CDC73: variants seen among roughly 807,000 people sequenced by gnomAD.
CDC73 encodes the protein parafibromin.
CDC73 carries 21 observed loss-of-function variants against 83.7 expected under a neutral mutation model. The ratio of observed to expected loss-of-function variants is 0.25; its 90% confidence interval spans 0.18 to 0.36. CDC73 has a LOEUF of 0.36. Ranked by LOEUF, CDC73 falls within the 10% of genes least tolerant of loss-of-function variation. The pLI is 1.00. For missense variants in CDC73, 342 were observed against 653.3 expected (o/e 0.52, Z 5.19); for synonymous variants, 224 against 212.9 (o/e 1.05, Z -0.45).
chr1:193,176,523 T>C (rs1676605407), intron 10 of CDC73, among the ~76,000 whole-genome samples: 1 of 152,220 alleles, frequency 6.6e-6, no homozygotes, highest in Non-Finnish European at 1.5e-5. Context: ...CAAACAATTT[T>C]ATTACTGTAA....
intron 11 of CDC73, among the ~76,000 whole-genome samples, chr1:193,207,888 G>A (rs2103181675): frequency 6.6e-6 from 1 of 152,294 alleles, no homozygotes; most frequent in East Asian, 1.9e-4. Flanking sequence ...TAGGGAAGGA[G>A]TACTTCTCCT....
chr1:193,186,256 C>T (rs902982050), intron 10 of CDC73: 1 of 152,466 alleles, frequency 6.6e-6, no homozygotes, highest in Non-Finnish European at 1.5e-5. Flanking sequence ...CATTTTCTCT[C>T]TTTCGTTAAA....
chr1:193,151,310 C>T (rs148475654), intron 9 of CDC73, among the ~76,000 whole-genome samples: 85 of 152,254 alleles, frequency 5.6e-4, no homozygotes, highest in Non-Finnish European at 1.1e-3. Context: ...TAAAGGCATG[C>T]ACTGGATATG....
chr1:193,195,505 G>GAT (rs1437576793), intron 10 of CDC73, among the ~76,000 whole-genome samples: 1 of 151,926 alleles, frequency 6.6e-6, no homozygotes, highest in Non-Finnish European at 1.5e-5. Flanking sequence ...AATTTTTTTG[G>GAT]ATATATATAC....
In CDC73 at chr1:193,249,583, G is replaced by A. The variant is rs1270718222; in HGVS notation, c.1418-147G>A. The A allele has an allele frequency of 7.7e-6, 5 of 645,366 alleles. No homozygotes were observed. In the East Asian group the frequency reaches 1.4e-4, roughly 18 times the overall value. The allele number at this position is 645,366 out of a possible 1,614,324, so 40.0% of individuals were successfully genotyped here. On this transcript the variant is annotated intron_variant, in intron 15 of 16. Transcript: ENST00000367435. Reference sequence around the variant, plus strand: ...TCCTCATTTTAGTGTCCAGTGGCTGGCGTGTATAAACCCTGAATGTTTTTA... The same window carrying A: ...TCCTCATTTTAGTGTCCAGTGGCTGACGTGTATAAACCCTGAATGTTTTTA...
At chr1:193,159,166 G>A (rs1285859017) in intron 10 of CDC73, among the ~76,000 whole-genome samples, 1 of 151,850 alleles carries the variant, frequency 6.6e-6, no homozygotes, top group African/African-American at 2.4e-5. Flanking sequence ...TTATAGATTT[G>A]GACCAAGTCT....
intron 6 of CDC73, 96 bp downstream of exon 6, chr1:193,138,269 C>G: frequency 2.3e-6 from 2 of 853,490 alleles, no homozygotes; most frequent in South Asian, 2.7e-5. Flanking sequence ...TTACATTTAC[C>G]TCTTGGATTC....
chr1:193,149,720 A>G (rs1392485980), intron 8 of CDC73, among the ~76,000 whole-genome samples: 2 of 152,108 alleles, frequency 1.3e-5, no homozygotes, highest in Admixed American at 6.5e-5. Flanking sequence ...GTCTTCATGA[A>G]TTTTCCAAGT....
intron 6 of CDC73, among the ~76,000 whole-genome samples, chr1:193,141,622 T>C (rs1021535268): frequency 2.6e-5 from 4 of 152,202 alleles, no homozygotes; most frequent in African/African-American, 9.7e-5. Context: ...TTTGTTGTAT[T>C]GATACTTCTA....
rs1233894531 is a variant in CDC73 at position 193,204,247 on chromosome 1, A to ATGTG, written c.1030+397_1030+400dup. ...TATATGTATATATACACGTATATATATGTGTATGTGTGTGTGTGTGTGTGT... is the reference window on the plus strand; with the variant it reads ...TATATGTATATATACACGTATATATATGTGTGTGTATGTGTGTGTGTGTGTGTGT... On this transcript the variant is annotated intron_variant, in intron 11 of 16. Transcript: ENST00000367435. Among the ~76,000 whole-genome samples, 171 of 123,054 alleles carry ATGTG rather than the reference A, an allele frequency of 1.4e-3. 3 individuals are homozygous for ATGTG. Among genetic ancestry groups the ATGTG allele is most frequent in the East Asian group, 0.014 (61 of 4,418 alleles). 80.7% of individuals were successfully genotyped at this position (123,054 alleles called of 152,430 possible). A position where few individuals can be genotyped will look rare whatever the true frequency, so the allele number is the denominator to read the frequency against.
intron 13 of CDC73, among the ~76,000 whole-genome samples, chr1:193,219,491 C>A (rs1360952191): frequency 6.6e-6 from 1 of 152,144 alleles, no homozygotes; most frequent in Admixed American, 6.5e-5. Context: ...TGGAATCAAC[C>A]AAAATTTCCA....
chr1:193,192,430 G>C (rs1026444711), intron 10 of CDC73, among the ~76,000 whole-genome samples: 1 of 152,116 alleles, frequency 6.6e-6, no homozygotes, highest in East Asian at 1.9e-4. Context: ...GCGACAGAGT[G>C]AGACACTGTC....
intron 15 of CDC73, among the ~76,000 whole-genome samples, chr1:193,241,837 G>A (rs1278191177): frequency 6.6e-6 from 1 of 152,186 alleles, no homozygotes; most frequent in Admixed American, 6.5e-5. Flanking sequence ...CTGTCCTCAG[G>A]CCTCCAGGTC....
In CDC73 at chr1:193,132,933, C is replaced by T. The variant is rs535142526; in HGVS notation, c.308-2458C>T. On this transcript the variant is annotated intron_variant, in intron 3 of 16. Transcript: ENST00000367435. ...TTTTTTTTTTTGAGAAGGAATCTTG[C>T]TCTGTCGCCCCAGGCTGGAGTGCAG... Among the ~76,000 whole-genome samples, 94 of 126,882 alleles carry T rather than the reference C, an allele frequency of 7.4e-4. 3 individuals carry two copies. The South Asian group carries it at 0.016, about 21-fold the overall frequency. 83.2% of individuals were successfully genotyped at this position (126,882 alleles called of 152,430 possible). A position where few individuals can be genotyped will look rare whatever the true frequency, so the allele number is the denominator to read the frequency against.
intron 10 of CDC73, among the ~76,000 whole-genome samples, chr1:193,178,831 ATTCTC>A (rs1676657969): frequency 6.6e-6 from 1 of 152,174 alleles, no homozygotes; most frequent in African/African-American, 2.4e-5. Context: ...AAATGTTACA[ATTCTC>A]TTCTGGTGAT....
intron 11 of CDC73, among the ~76,000 whole-genome samples, chr1:193,204,151 T>C (rs993441446): frequency 6.6e-6 from 1 of 150,796 alleles, no homozygotes; most frequent in Non-Finnish European, 1.5e-5. Flanking sequence ...ATTAAGCAGC[T>C]GAACTGGATT....
intron 10 of CDC73, among the ~76,000 whole-genome samples, chr1:193,160,759 TCC>T (rs2103140121): frequency 6.6e-6 from 1 of 152,212 alleles, no homozygotes; most frequent in African/African-American, 2.4e-5. Context: ...ATCTTTAATG[TCC>T]CTTTTAACTT....
chr1:193,159,822 A>G (rs1046471860), intron 10 of CDC73, among the ~76,000 whole-genome samples: 2 of 152,208 alleles, frequency 1.3e-5, no homozygotes, highest in Non-Finnish European at 2.9e-5. Context: ...ACACTTATTT[A>G]GATGGGTAAA....
At chr1:193,155,202 G>A (rs1286690642) in intron 10 of CDC73, among the ~76,000 whole-genome samples, 1 of 152,194 alleles carries the variant, frequency 6.6e-6, no homozygotes, top group Admixed American at 6.5e-5. Flanking sequence ...TCATGGGTTA[G>A]TGAAAGTTTT....
Sources: allele counts gnomAD v4.1 joint callset (sites outside exome capture counted in the v4.1 genomes callset), GRCh38; gene constraint gnomAD v4.1.1; transcripts MANE v1.5; gene names NCBI Gene and HGNC (gene_info 2026-07-23, HGNC 2026-07-21).